The following SCARB1 variants were observed in gnomAD, a reference collection of about 807,000 sequenced individuals.
SCARB1 encodes CD36 and LIMPII analogous 1.
SCARB1 carries 30 observed loss-of-function variants against 57.2 expected under a neutral mutation model. That is an observed-to-expected ratio of 0.52 (90% confidence interval 0.39 to 0.71). SCARB1 has a LOEUF of 0.71. SCARB1 is among the 30% of genes least tolerant of loss of function. SCARB1 has a pLI of 0.00. For synonymous variants in SCARB1, 249 were observed against 268.3 expected, an observed-to-expected ratio of 0.93 and a Z score of 0.70; for missense variants, 543 against 671.2, an observed-to-expected ratio of 0.81 and a Z score of 2.11.
intron 1 of SCARB1, chr12:124,862,371 A>T (rs1019601877): frequency 6.6e-6 from 1 of 152,198 alleles, no homozygotes; most frequent in African/African-American, 2.4e-5. Context: ...GCCCTAGACA[A>T]CTGCTCACCC....
chr12:124,799,389 G>C (rs1171490367), intron 8 of SCARB1, among the ~76,000 whole-genome samples: 2 of 152,086 alleles, frequency 1.3e-5, no homozygotes, highest in African/African-American at 4.8e-5. Flanking sequence ...GCCAGGCATG[G>C]TGGTACATGT....
intron 12 of SCARB1, 37 bp from the exon 13 acceptor site, chr12:124,778,623 CCT>C: frequency 7.1e-7 from 1 of 1,409,464 alleles, no homozygotes; most frequent in Non-Finnish European, 9.2e-7. Flanking sequence ...CCACCCACGC[CCT>C]GTCACCAAAC....
At chr12:124,820,192 C>T (rs1212846053) in intron 1 of SCARB1, among the ~76,000 whole-genome samples, 1 of 152,112 alleles carries the variant, frequency 6.6e-6, no homozygotes, top group Non-Finnish European at 1.5e-5. Context: ...GTAACAGAAG[C>T]GAGCATTTCC....
chr12:124,834,071 A>C (rs559007286), intron 1 of SCARB1, among the ~76,000 whole-genome samples: 12 of 152,180 alleles, frequency 7.9e-5, no homozygotes, highest in Non-Finnish European at 1.6e-4. Flanking sequence ...CAGAAACACA[A>C]ACCGAGGCCC....
chr12:124,830,059 A>G (rs1418347646), intron 1 of SCARB1, among the ~76,000 whole-genome samples: 1 of 152,206 alleles, frequency 6.6e-6, no homozygotes, highest in Non-Finnish European at 1.5e-5. Context: ...AATAGGAGAT[A>G]GGAGAAAGGA....
chr12:124,858,385 T>A (rs1427132274), intron 1 of SCARB1, among the ~76,000 whole-genome samples: 1 of 152,078 alleles, frequency 6.6e-6, no homozygotes, highest in Non-Finnish European at 1.5e-5. Context: ...CGGCCCTTAG[T>A]GTGCCTGTCC....
At chr12:124,803,705 AAAAAAAAAAAT>A (rs1181750746) in intron 7 of SCARB1, among the ~76,000 whole-genome samples, 14 of 142,820 alleles carry the variant, frequency 9.8e-5, no homozygotes, top group Non-Finnish European at 6.0e-5. Flanking sequence ...AAAAAAAAAA[AAAAAAAAAAAT>A]TGAAATAAGA....
At chr12:124,849,510 G>A (rs1324987798) in intron 1 of SCARB1, among the ~76,000 whole-genome samples, 1 of 152,226 alleles carries the variant, frequency 6.6e-6, no homozygotes, top group East Asian at 1.9e-4. Flanking sequence ...TCTGCCTGAA[G>A]AACATTCGTT....
At chr12:124,794,870 T>C (rs1481241626) in intron 9 of SCARB1, among the ~76,000 whole-genome samples, 1 of 151,970 alleles carries the variant, frequency 6.6e-6, no homozygotes, top group East Asian at 1.9e-4. Context: ...GCGGAGGTTG[T>C]GGTGAGCCAA....
At chr12:124,780,744 G>A (rs1470514540) in intron 12 of SCARB1, among the ~76,000 whole-genome samples, 1 of 152,224 alleles carries the variant, frequency 6.6e-6, no homozygotes, top group African/African-American at 2.4e-5. Flanking sequence ...TGTTTGGGGG[G>A]CAGATGACAG....
chr12:124,851,347 G>A lies in SCARB1; in HGVS notation c.126+12248C>T, dbSNP rs549405482. Among the ~76,000 whole-genome samples the A allele has an allele frequency of 4.6e-5, 7 of 152,228 alleles. No individual in the cohort carries two copies. In the South Asian group the frequency reaches 1.2e-3, roughly 27 times the overall value. On this transcript the variant is annotated intron_variant, in intron 1 of 12. Transcript: ENST00000261693. ...TCAGCCTGTCCAGATGCCCTGTCAC[G>A]GGACCCAGGAAGAACAGCAGGGTCA...
chr12:124,827,181 A>G (rs1290481290), intron 1 of SCARB1, among the ~76,000 whole-genome samples: 2 of 152,164 alleles, frequency 1.3e-5, no homozygotes, highest in African/African-American at 4.8e-5. Flanking sequence ...GGCCGGGAGC[A>G]TCGGCAGACT....
At chr12:124,803,944 G>A (rs144393993) in intron 7 of SCARB1, among the ~76,000 whole-genome samples, 91 of 152,244 alleles carry the variant, frequency 6.0e-4, no homozygotes, top group Admixed American at 2.0e-3. Context: ...ATTCCTTTGC[G>A]CTTTTGAAAT....
At chr12:124,825,500 G>A (rs931902708) in intron 1 of SCARB1, among the ~76,000 whole-genome samples, 9 of 151,826 alleles carry the variant, frequency 5.9e-5, no homozygotes, top group South Asian at 2.1e-4. Context: ...GTGCAACCCC[G>A]TCTCTACTAA....
Position 124,800,140 on chromosome 12 carries a change from A to G in SCARB1, c.1112T>C (p.Phe371Ser), listed in dbSNP as rs1950080382. 1 of 1,613,690 alleles carries G rather than the reference A, an allele frequency of 6.2e-7. No individual in the cohort carries two copies. Among genetic ancestry groups the G allele is most frequent in the Non-Finnish European group, 8.5e-7 (1 of 1,179,610 alleles). The change falls in exon 8 of 13, where the codon TTC becomes TCC. Residue 371 changes from phenylalanine (F) to serine (S), a missense_variant. By Grantham distance (155) the Phe-to-Ser change is radical (BLOSUM62 -2). Transcript: ENST00000261693. This position sits in a 1 kb window ranked among gnomAD's most constrained non-coding sequence, Gnocchi z 4.8. Reference sequence around the variant, plus strand: ...GGGGCTCACCGGGTGGATGTCCAGGAACAAGGAGTGTGCCTCCTGGTTAGG... The same window carrying G: ...GGGGCTCACCGGGTGGATGTCCAGGGACAAGGAGTGTGCCTCCTGGTTAGG... ...LHPNQEAHSL[F>S]LDIHPVTGIP...
chr12:124,778,199 T>G lies in SCARB1; in HGVS notation c.*388A>C. 2 of 350,798 alleles carry G rather than the reference T, an allele frequency of 5.7e-6. No individual in the cohort carries two copies. The highest frequency in any genetic ancestry group is 1.0e-5 in the Non-Finnish European group (2 of 196,860). 21.7% of individuals were successfully genotyped at this position (350,798 alleles called of 1,614,324 possible). A position where few individuals can be genotyped will look rare whatever the true frequency, so the allele number is the denominator to read the frequency against. ...ACACCGGGACTGCAGTGTTTCACCT[T>G]GGAGGGGAGGAAGCCTGGGCCCAAC... On this transcript the variant is annotated 3_prime_UTR_variant, in exon 13 of 13. Transcript: ENST00000261693.
intron 1 of SCARB1, among the ~76,000 whole-genome samples, chr12:124,818,136 G>A (rs150606367): frequency 6.6e-6 from 1 of 152,184 alleles, no homozygotes; most frequent in Non-Finnish European, 1.5e-5. Flanking sequence ...CCTGCCAGGC[G>A]GGTTCTAAGA....
rs746211750 is a variant in SCARB1, at chr12:124,800,171, G to A, written c.1081C>T (p.Leu361=). 1.2e-6 allele frequency: 2 copies of A among 1,614,100 alleles called. No individual in the cohort carries two copies. The highest frequency in any genetic ancestry group is 2.2e-5 in the South Asian group (2 of 91,084). ...GAGTGTGCCTCCTGGTTAGGGTGCA[G>A]GCCAGTCACCGCTTCTGCCAGAACC... ...DPVLAEAVTG[L]HPNQEAHSLF... Residue 361 remains leucine, a synonymous_variant, in exon 8 of 13, where the codon CTG becomes TTG. Transcript: ENST00000261693. This position sits in a 1 kb window ranked among gnomAD's most constrained non-coding sequence, Gnocchi z 4.8.
intron 12 of SCARB1, among the ~76,000 whole-genome samples, chr12:124,780,371 ATC>A (rs1873210109): frequency 6.6e-6 from 1 of 152,338 alleles, no homozygotes; most frequent in Non-Finnish European, 1.5e-5. Flanking sequence ...ATATAAAAAT[ATC>A]TGTTTTCCCC....
Sources: allele counts gnomAD v4.1 joint callset (sites outside exome capture counted in the v4.1 genomes callset), GRCh38; gene constraint gnomAD v4.1.1; non-coding constraint Gnocchi (gnomAD v3.1); transcripts MANE v1.5; gene names NCBI Gene and HGNC (gene_info 2026-07-23, HGNC 2026-07-21).